Variants in MAF observed in about 807,000 individuals in gnomAD.
The protein encoded by MAF is transcription factor Maf.
In MAF, 10 loss-of-function variants were observed where a neutral mutation model predicts 22.0. The ratio of observed to expected loss-of-function variants is 0.45; its 90% CI spans 0.28 to 0.77. The LOEUF is 0.77. Among genes scored for constraint, MAF ranks in the 30% least tolerant of loss-of-function variants. The pLI is 0.12. For synonymous variants in MAF, 337 were observed against 255.8 expected, an observed-to-expected ratio of 1.32 and a Z score of -3.03; for missense variants, 544 against 548.4, an observed-to-expected ratio of 0.99 and a Z score of 0.08.
At chr16:79,419,654 C>A in the MAF span, among the ~76,000 whole-genome samples, 1 of 152,272 alleles carries the variant, frequency 6.6e-6, no homozygotes, top group East Asian at 1.9e-4. Context: ...ATGAGAACAG[C>A]CCCACTCAGA....
chr16:79,451,428 C>T, the MAF span, among the ~76,000 whole-genome samples: 3 of 152,306 alleles, frequency 2.0e-5, no homozygotes, highest in East Asian at 3.9e-4. Context: ...CTTCCCTTCC[C>T]GTTTACCAAT....
chr16:79,301,658 T>C, the MAF span, among the ~76,000 whole-genome samples: 22 of 152,284 alleles, frequency 1.4e-4, 1 homozygote, highest in East Asian at 9.7e-4. Flanking sequence ...CACATACATA[T>C]ATGCATGCAT....
At chr16:79,513,081 C>T in the MAF span, among the ~76,000 whole-genome samples, 67 of 152,362 alleles carry the variant, frequency 4.4e-4, no homozygotes, top group Middle Eastern at 3.4e-3. Flanking sequence ...AGCAGCAATG[C>T]TGTGAGCATA....
chr16:79,362,527 A>G, the MAF span, among the ~76,000 whole-genome samples: 1 of 152,334 alleles, frequency 6.6e-6, no homozygotes, highest in African/African-American at 2.4e-5. Context: ...ATTAGTCACC[A>G]TTAGAAATAG....
At chr16:79,317,922 TCACTCAC>T in the MAF span, among the ~76,000 whole-genome samples, 4 of 31,206 alleles carry the variant, frequency 1.3e-4, no homozygotes, top group Non-Finnish European at 4.4e-4. Context: ...ATTCACTCAC[TCACTCAC>T]TCACTCACTC....
chr16:79,359,125 G>A, the MAF span, among the ~76,000 whole-genome samples: 2 of 152,222 alleles, frequency 1.3e-5, no homozygotes, highest in African/African-American at 4.8e-5. Context: ...CATGCCCCCA[G>A]ATTCCAAATC....
chr16:79,577,430 C>T, the MAF span, among the ~76,000 whole-genome samples: 1 of 152,102 alleles, frequency 6.6e-6, no homozygotes, highest in African/African-American at 2.4e-5. Context: ...TTGCTTTGTG[C>T]CTGAGTCTCC....
At chr16:79,229,072 A>C in the MAF span, among the ~76,000 whole-genome samples, 3 of 151,690 alleles carry the variant, frequency 2.0e-5, no homozygotes, top group African/African-American at 7.3e-5. Context: ...TCCCCTTCTC[A>C]CCCACGGAGC....
the MAF span, among the ~76,000 whole-genome samples, chr16:79,434,831 G>A: frequency 6.6e-6 from 1 of 151,992 alleles, no homozygotes; most frequent in African/African-American, 2.4e-5. Context: ...TTCCTTTCTG[G>A]TCCTGTTCAC....
At chr16:79,361,613 G>T in the MAF span, among the ~76,000 whole-genome samples, 1 of 152,118 alleles carries the variant, frequency 6.6e-6, no homozygotes. Flanking sequence ...TTGCACAATG[G>T]AGCCCATAGC....
At chr16:79,303,895 G>A in the MAF span, among the ~76,000 whole-genome samples, 4 of 152,162 alleles carry the variant, frequency 2.6e-5, no homozygotes, top group Non-Finnish European at 4.4e-5. Context: ...CTTATGTCAT[G>A]TCAAAATGCG....
At chr16:79,321,108 G>A in the MAF span, among the ~76,000 whole-genome samples, 2 of 152,184 alleles carry the variant, frequency 1.3e-5, no homozygotes, top group Admixed American at 6.5e-5. Flanking sequence ...GTGATGCAAG[G>A]CACAGCTGTT....
At chr16:79,380,349 C>T in the MAF span, among the ~76,000 whole-genome samples, 12 of 152,170 alleles carry the variant, frequency 7.9e-5, no homozygotes, top group Admixed American at 7.9e-4. Flanking sequence ...GGTATGATGA[C>T]TATAACAGTA....
chr16:79,439,445 A>G, the MAF span, among the ~76,000 whole-genome samples: 1 of 151,624 alleles, frequency 6.6e-6, no homozygotes, highest in Non-Finnish European at 1.5e-5. Flanking sequence ...TATTTTTAGT[A>G]CAGACAGGGT....
At chr16:79,218,162 T>C in the MAF span, among the ~76,000 whole-genome samples, 1 of 152,082 alleles carries the variant, frequency 6.6e-6, no homozygotes, top group Non-Finnish European at 1.5e-5. Flanking sequence ...CAGCTCTGAG[T>C]TGTATCTATA....
the MAF span, among the ~76,000 whole-genome samples, chr16:79,543,350 G>A: frequency 1.3e-5 from 2 of 152,176 alleles, no homozygotes; most frequent in Non-Finnish European, 2.9e-5. Flanking sequence ...CTGGTCAAGT[G>A]CCTCCTTCCC....
At chr16:79,450,301 T>C in the MAF span, among the ~76,000 whole-genome samples, 1 of 152,242 alleles carries the variant, frequency 6.6e-6, no homozygotes, top group Non-Finnish European at 1.5e-5. Flanking sequence ...TTGTCTTTTA[T>C]TGGCTCTGCT....
In MAF at chr16:79,599,216, G is replaced by T. The variant is rs1282904059; in HGVS notation, c.687C>A (p.Gly229=). 2.0e-6 allele frequency: 2 copies of T among 977,944 alleles called. No homozygotes were observed. Among genetic ancestry groups the T allele is most frequent in the East Asian group, 2.3e-4 (2 of 8,542 alleles). The allele number at this position is 977,944 out of a possible 1,614,324, so 60.6% of individuals were successfully genotyped here. A position where few individuals can be genotyped will look rare whatever the true frequency, so the allele number is the denominator to read the frequency against. ...CCCCGCCGCCTCCGCCGCCGCCGCC[G>T]CCGCCGCCGCCCCCAGCGCTGGCCG... is the stretch of plus-strand genomic sequence containing the variant. ...GGPASAGGGG[G]GGGGGGGGGA... is the part of the protein sequence containing the mutation. The change falls in exon 1 of 2, where the codon GGC becomes GGA. Residue 229 remains glycine, a synonymous_variant. Transcript: ENST00000326043.
the MAF span, among the ~76,000 whole-genome samples, chr16:79,291,941 G>A: frequency 6.6e-6 from 1 of 151,192 alleles, no homozygotes; most frequent in Non-Finnish European, 1.5e-5. Flanking sequence ...GTTCTCATGA[G>A]GGTACAACAG....
Sources: allele counts gnomAD v4.1 joint callset (sites outside exome capture counted in the v4.1 genomes callset), GRCh38; gene constraint gnomAD v4.1.1; transcripts MANE v1.5; gene names NCBI Gene and HGNC (gene_info 2026-07-23, HGNC 2026-07-21).